Variants in MYRIP observed in about 807,000 individuals in gnomAD.
MYRIP encodes rab effector MyRIP.
MYRIP carries 49 observed loss-of-function variants against 98.0 expected under a neutral mutation model. The ratio of observed to expected loss-of-function variants is 0.50; its 90% CI spans 0.40 to 0.63. The LOEUF (loss-of-function observed/expected upper bound fraction) is 0.63. Among genes scored for constraint, MYRIP ranks in the 30% least tolerant of loss-of-function variants. The probability of loss-of-function intolerance (pLI) is 0.00; values close to 1 mark genes in which losing one functional copy is unlikely to be tolerated. For missense variants in MYRIP, 1,004 were observed against 1,058.2 expected, an observed-to-expected ratio of 0.95 and a Z score of 0.71; for synonymous variants, 404 against 409.5, an observed-to-expected ratio of 0.99 and a Z score of 0.16.
At chr3:40,184,907 T>TA (rs1012922119) in intron 9 of MYRIP, among the ~76,000 whole-genome samples, 9 of 152,222 alleles carry the variant, frequency 5.9e-5, no homozygotes, top group African/African-American at 1.9e-4. Context: ...GATAAAGATT[T>TA]AAAATTTTTT....
At chr3:39,975,900 C>A (rs1339446079) in intron 2 of MYRIP, among the ~76,000 whole-genome samples, 13 of 151,962 alleles carry the variant, frequency 8.6e-5, no homozygotes, top group African/African-American at 2.7e-4. Context: ...AAATTAATTC[C>A]AGATGGATTA....
chr3:40,018,866 C>T (rs1008981178), intron 2 of MYRIP, among the ~76,000 whole-genome samples: 27 of 152,112 alleles, frequency 1.8e-4, no homozygotes, highest in African/African-American at 5.8e-4. Context: ...AATAATAATA[C>T]ACCTCACCTA....
chr3:39,973,547 C>T (rs190261383), intron 2 of MYRIP, among the ~76,000 whole-genome samples: 34 of 152,188 alleles, frequency 2.2e-4, no homozygotes, highest in South Asian at 8.3e-4. Context: ...CTGCACCAAG[C>T]GGACCTAGTA....
chr3:39,890,941 A>G (rs1467325748), intron 1 of MYRIP, among the ~76,000 whole-genome samples: 1 of 152,024 alleles, frequency 6.6e-6, no homozygotes, highest in Non-Finnish European at 1.5e-5. Flanking sequence ...GTGTTTGCTG[A>G]TGTCTGCAGC....
At chr3:39,994,623 C>A (rs1026613387) in intron 2 of MYRIP, among the ~76,000 whole-genome samples, 37 of 152,202 alleles carry the variant, frequency 2.4e-4, no homozygotes, top group Admixed American at 7.2e-4. Context: ...CAGGGCATAG[C>A]CAAACAAAAG....
chr3:40,231,631 G>C (rs1952662223), intron 11 of MYRIP, among the ~76,000 whole-genome samples: 1 of 152,210 alleles, frequency 6.6e-6, no homozygotes, highest in South Asian at 2.1e-4. Flanking sequence ...TGTTCAGTTG[G>C]AGTCAGAATA....
chr3:39,870,440 T>G (rs73074732), intron 1 of MYRIP, among the ~76,000 whole-genome samples: 7,863 of 152,298 alleles, frequency 0.052, 238 homozygotes, highest in African/African-American at 0.069. Flanking sequence ...ATTAATATTT[T>G]CGTTTAGCTA....
Position 40,036,324 on chromosome 3 carries a change from A to AAAAAAAAAAAAAAC in MYRIP, c.111-7726_111-7725insAAAAAAAAAAAAAC, listed in dbSNP as rs1553607293. 8.8e-5 allele frequency among the ~76,000 whole-genome samples: 11 copies of AAAAAAAAAAAAAAC among 125,626 alleles called. 1 individual carries two copies. Among genetic ancestry groups the AAAAAAAAAAAAAAC allele is most frequent in the African/African-American group, 1.4e-4 (5 of 34,616 alleles). 82.4% of individuals were successfully genotyped at this position (125,626 alleles called of 152,430 possible). On this transcript the variant is annotated intron_variant, in intron 2 of 16. Coordinates refer to ENST00000302541, the MANE Select transcript of MYRIP (RefSeq NM_015460.4). ...TACCAAAAAAAAAAAAAAAAAAAAA[A>AAAAAAAAAAAAAAC]CTTTATTCAAAATGAGCTGTCAACT...
intron 1 of MYRIP, among the ~76,000 whole-genome samples, chr3:39,842,130 T>C (rs1302952794): frequency 1.3e-5 from 2 of 152,226 alleles, no homozygotes; most frequent in Non-Finnish European, 2.9e-5. Context: ...CTGGGGCTGC[T>C]GCCTTTCTTT....
At chr3:40,213,114 C>T (rs1336384531) in intron 11 of MYRIP, among the ~76,000 whole-genome samples, 1 of 152,192 alleles carries the variant, frequency 6.6e-6, no homozygotes, top group Admixed American at 6.5e-5. Context: ...CTAATTCTTT[C>T]TCCACTCAGT....
At chr3:40,010,105 C>T (rs991609642) in intron 2 of MYRIP, among the ~76,000 whole-genome samples, 3 of 152,176 alleles carry the variant, frequency 2.0e-5, no homozygotes, top group Non-Finnish European at 4.4e-5. Context: ...AAGGTGGGAG[C>T]TGTATATGCA....
At chr3:39,936,226 A>G (rs1306257380) in intron 2 of MYRIP, among the ~76,000 whole-genome samples, 1 of 152,210 alleles carries the variant, frequency 6.6e-6, no homozygotes, top group East Asian at 1.9e-4. Flanking sequence ...AGTGTTTAAG[A>G]AATTTATGAC....
chr3:40,192,605 G>A (rs1170539710), intron 10 of MYRIP, among the ~76,000 whole-genome samples: 2 of 151,928 alleles, frequency 1.3e-5, no homozygotes, highest in Non-Finnish European at 2.9e-5. Flanking sequence ...CTGTCCATAT[G>A]CTTCCACTGC....
intron 10 of MYRIP, among the ~76,000 whole-genome samples, chr3:40,204,750 A>G (rs1951748567): frequency 6.6e-6 from 1 of 152,004 alleles, no homozygotes; most frequent in South Asian, 2.1e-4. Flanking sequence ...TAGGGTCCTC[A>G]TGGCTGCAGG....
chr3:40,002,107 G>A (rs1448229415), intron 2 of MYRIP, among the ~76,000 whole-genome samples: 1 of 152,146 alleles, frequency 6.6e-6, no homozygotes, highest in Non-Finnish European at 1.5e-5. Flanking sequence ...TTTGGTGTGA[G>A]GTCAGGCATG....
intron 2 of MYRIP, among the ~76,000 whole-genome samples, chr3:39,960,039 C>G (rs1275301865): frequency 1.3e-5 from 2 of 152,060 alleles, no homozygotes; most frequent in Non-Finnish European, 1.5e-5. Flanking sequence ...CAGGCATCTC[C>G]CATTCCCAAT....
chr3:40,160,810 C>T lies in MYRIP; in HGVS notation c.470-1920C>T, dbSNP rs1004082182. Among the ~76,000 whole-genome samples, 3 of 152,208 alleles carry T rather than the reference C, an allele frequency of 2.0e-5. No individual in the cohort carries two copies. The South Asian group carries it at 6.2e-4, about 31-fold the overall frequency. ...CTTTCTTTGACTAGGAAAGGGAACTCCCTGGCCCCTTGCGCTTCCTGAGTG... is the reference window on the plus strand; with the variant it reads ...CTTTCTTTGACTAGGAAAGGGAACTTCCTGGCCCCTTGCGCTTCCTGAGTG... On this transcript the variant is annotated intron_variant, in intron 4 of 16. Transcript: ENST00000302541.
chr3:39,869,152 C>T (rs1942710854), intron 1 of MYRIP, among the ~76,000 whole-genome samples: 1 of 152,116 alleles, frequency 6.6e-6, no homozygotes, highest in African/African-American at 2.4e-5. Flanking sequence ...ATCTTACATC[C>T]CTTTTTAAGA....
At chr3:39,928,631 C>A (rs1415419878) in intron 2 of MYRIP, among the ~76,000 whole-genome samples, 1 of 141,060 alleles carries the variant, frequency 7.1e-6, no homozygotes, top group Non-Finnish European at 1.5e-5. Context: ...ATTCAACACA[C>A]ATTCCTGAAA....
Sources: gnomAD v4.1 joint callset for allele counts (sites outside exome capture counted in the v4.1 genomes callset) on GRCh38, gnomAD v4.1.1 for gene constraint, MANE v1.5 for transcripts, NCBI Gene and HGNC (gene_info 2026-07-23, HGNC 2026-07-21) for gene names.